The following KIF14 variants were observed in gnomAD, a reference collection of about 807,000 sequenced individuals.
The protein encoded by KIF14 is kinesin-like protein KIF14.
KIF14 carries 98 observed loss-of-function variants against 176.2 expected under a neutral mutation model. That is an observed-to-expected ratio of 0.56 (90% confidence interval 0.47 to 0.66). The LOEUF (loss-of-function observed/expected upper bound fraction) is 0.66. Ranked by LOEUF, KIF14 falls within the 30% of genes least tolerant of loss-of-function variation. The pLI is 0.00. For missense variants in KIF14, 1,751 were observed against 1,920.4 expected (o/e 0.91, Z 1.65); for synonymous variants, 566 against 632.2 (o/e 0.90, Z 1.57).
intron 23 of KIF14, 78 bp downstream of exon 23, chr1:200,569,833 C>T (rs1657677013): frequency 1.2e-5 from 9 of 750,532 alleles, no homozygotes; most frequent in Admixed American, 2.4e-5. Context: ...GATTTGCACA[C>T]GGATAAGAAA....
At chr1:200,587,477 G>T (rs567844269) in intron 18 of KIF14, among the ~76,000 whole-genome samples, 26 of 151,272 alleles carry the variant, frequency 1.7e-4, no homozygotes, top group African/African-American at 6.3e-4. Flanking sequence ...AAAGATACAA[G>T]AAATCTAGTT....
chr1:200,615,591 T>G lies in KIF14; in HGVS notation c.1131A>C (p.Ala377=), dbSNP rs1443947960. The change falls in exon 3 of 30, where the codon GCA becomes GCC. Residue 377 remains alanine, a synonymous_variant. Transcript: ENST00000367350. ...TCCCACTCATGAAGACTACCTGGGA[T>G]GCTTTTTCAATCTTCTCTCTTGAAA... ...PFTKREKIEK[A]SQVVFMSGKE... is the part of the protein sequence containing the mutation. The G allele has an allele frequency of 3.7e-6, 6 of 1,609,928 alleles. No homozygotes were observed. The highest frequency in any genetic ancestry group is 5.1e-6 in the Non-Finnish European group (6 of 1,178,494).
intron 28 of KIF14, 76 bp downstream of exon 28, chr1:200,555,304 T>C (rs1398689653): frequency 2.1e-6 from 2 of 934,380 alleles, no homozygotes; most frequent in African/African-American, 3.4e-5. Flanking sequence ...AACACTGAAA[T>C]AAAAATATCT....
intron 27 of KIF14, among the ~76,000 whole-genome samples, chr1:200,556,979 T>C (rs1656865679): frequency 6.6e-6 from 1 of 152,190 alleles, no homozygotes; most frequent in Non-Finnish European, 1.5e-5. Flanking sequence ...TTAGTAACAA[T>C]GTGTTTTTAC....
In KIF14 at chr1:200,618,230, C is replaced by G; in HGVS notation, c.494G>C (p.Arg165Thr). 1 of 1,613,898 alleles carries G rather than the reference C, an allele frequency of 6.2e-7. No individual in the cohort carries two copies. The highest frequency in any genetic ancestry group is 8.5e-7 in the Non-Finnish European group (1 of 1,180,010). The change falls in exon 2 of 30, where the codon AGG (arginine) becomes ACG (threonine). Residue 165 changes from arginine (R) to threonine (T), a missense_variant. Transcript: ENST00000367350. ...AGAGTTTTTAGCATTATTTACAATC[C>G]TTACATTTGTTCTACTTTCCTTAGA... is the stretch of plus-strand genomic sequence containing the variant. The part of the protein sequence containing the change: ...GVSKESRTNV[R>T]IVNNAKNSFV...
intron 14 of KIF14, among the ~76,000 whole-genome samples, chr1:200,594,524 T>C (rs1413905682): frequency 6.6e-6 from 1 of 152,132 alleles, no homozygotes; most frequent in African/African-American, 2.4e-5. Flanking sequence ...ATTTCTCCCC[T>C]TTTGAAAAGT....
chr1:200,580,978 C>T (rs550083374), intron 20 of KIF14, among the ~76,000 whole-genome samples: 73 of 151,772 alleles, frequency 4.8e-4, no homozygotes, highest in Non-Finnish European at 9.4e-4. Flanking sequence ...GGTGTGGTGG[C>T]GCACACCACC....
chr1:200,597,836 T>C (rs1234917613), intron 14 of KIF14, among the ~76,000 whole-genome samples: 1 of 152,230 alleles, frequency 6.6e-6, no homozygotes, highest in Non-Finnish European at 1.5e-5. Context: ...ACATACGCTA[T>C]CATTCCAACA....
intron 21 of KIF14, 130 bp from the exon 22 acceptor site, chr1:200,575,821 G>A (rs925907226): frequency 4.6e-6 from 2 of 434,290 alleles, no homozygotes; most frequent in Non-Finnish European, 8.0e-6. Flanking sequence ...TATCTGATAA[G>A]TCTAAAAAAT....
At chr1:200,562,578 CTCTAAA>C (rs1431313400) in intron 25 of KIF14, among the ~76,000 whole-genome samples, 7 of 152,188 alleles carry the variant, frequency 4.6e-5, no homozygotes, top group African/African-American at 1.7e-4. Context: ...CTAGTACTGC[CTCTAAA>C]ATCTGAGAGC....
chr1:200,565,353 T>C, intron 24 of KIF14, 92 bp downstream of exon 24: 1 of 1,388,744 alleles, frequency 7.2e-7, no homozygotes. Context: ...AAAAGATGCA[T>C]GCCAGATGTG....
intron 27 of KIF14, among the ~76,000 whole-genome samples, chr1:200,556,166 C>G (rs1656819252): frequency 6.6e-6 from 1 of 152,114 alleles, no homozygotes; most frequent in South Asian, 2.1e-4. Flanking sequence ...AAATTCTAAG[C>G]CTTTGCTTTT....
intron 8 of KIF14, 85 bp from the exon 9 acceptor site, chr1:200,604,040 T>C: frequency 1.3e-6 from 1 of 784,692 alleles, no homozygotes. Context: ...TGTAAAAGAT[T>C]ACACATCACT....
rs149121318 is a variant in KIF14, at chr1:200,604,320, G to A, written c.1747-365C>T. ...TGAGCTCAAGTGATCCTCCTGCCTCGGCCTCCTAAAGTGCTGGGATTACAG... is the reference window on the plus strand; with the variant it reads ...TGAGCTCAAGTGATCCTCCTGCCTCAGCCTCCTAAAGTGCTGGGATTACAG... On this transcript the variant is annotated intron_variant, in intron 8 of 29. Coordinates refer to ENST00000367350, the MANE Select transcript of KIF14 (RefSeq NM_014875.3). 8.1e-3 allele frequency among the ~76,000 whole-genome samples: 1,230 copies of A among 152,058 alleles called. 11 individuals are homozygous for A. Among genetic ancestry groups the A allele is most frequent in the African/African-American group, 0.026 (1,098 of 41,476 alleles).
Position 200,553,074 on chromosome 1 carries a change from G to C in KIF14, c.*314C>G, listed in dbSNP as rs1360595327. The C allele has an allele frequency of 6.2e-6, 1 of 162,416 alleles. No individual in the cohort carries two copies. The highest frequency in any genetic ancestry group is 2.4e-5 in the African/African-American group (1 of 41,716). 10.1% of individuals were successfully genotyped at this position (162,416 alleles called of 1,614,324 possible). On this transcript the variant is annotated 3_prime_UTR_variant, in exon 30 of 30. Coordinates refer to ENST00000367350, the MANE Select transcript of KIF14 (RefSeq NM_014875.3). ...TCCTCCTGCCTCAGCCCCCCTAGTA[G>C]CTGGGATTACAGGCACGCGCCACCA...
At chr1:200,554,740 T>C (rs961956846) in intron 28 of KIF14, 134 bp from the exon 29 acceptor site, 3 of 529,608 alleles carry the variant, frequency 5.7e-6, no homozygotes, top group African/African-American at 4.0e-5. Context: ...AGTGCTTAAC[T>C]CTATTTCTAT....
Position 200,560,743 on chromosome 1 carries a change from G to A in KIF14, c.4209C>T (p.Asn1403=). 6.2e-7 allele frequency: 1 copy of A among 1,614,148 alleles called. No individual in the cohort carries two copies. Among genetic ancestry groups the A allele is most frequent in the Non-Finnish European group, 8.5e-7 (1 of 1,180,012 alleles). Reference sequence around the variant, plus strand: ...TTACCTGGACACTGGCAGCTTTATTGTTACCGTTTTCTAGAAAATGTAGCT... The same window carrying A: ...TTACCTGGACACTGGCAGCTTTATTATTACCGTTTTCTAGAAAATGTAGCT... ...GSKLHFLENG[N]NKAASVQEEF... is the part of the protein sequence containing the mutation. Residue 1403 remains asparagine (N), a synonymous_variant, in exon 26 of 30, where the codon AAC becomes AAT. Transcript: ENST00000367350.
chr1:200,576,815 CT>C (rs929696407), intron 21 of KIF14, among the ~76,000 whole-genome samples: 6 of 151,978 alleles, frequency 3.9e-5, no homozygotes, highest in African/African-American at 1.2e-4. Flanking sequence ...TAAGAATTCT[CT>C]TTTTTTCTTT....
At chr1:200,572,780 C>A (rs1657882299) in intron 22 of KIF14, among the ~76,000 whole-genome samples, 1 of 152,132 alleles carries the variant, frequency 6.6e-6, no homozygotes, top group African/African-American at 2.4e-5. Context: ...ATTCATAAAT[C>A]ATTCTCTGAT....
Sources: gnomAD v4.1 joint callset for allele counts (sites outside exome capture counted in the v4.1 genomes callset) on GRCh38, gnomAD v4.1.1 for gene constraint, MANE v1.5 for transcripts, NCBI Gene and HGNC (gene_info 2026-07-23, HGNC 2026-07-21) for gene names.